PTPRN2: variants seen among roughly 807,000 people sequenced by gnomAD.
PTPRN2 encodes the protein receptor-type tyrosine-protein phosphatase N2.
PTPRN2 carries 74 observed loss-of-function variants against 118.8 expected under a neutral mutation model. The ratio of observed to expected loss-of-function variants is 0.62; its 90% confidence interval spans 0.52 to 0.76. The LOEUF (loss-of-function observed/expected upper bound fraction) is 0.76. PTPRN2 is among the 30% of genes least tolerant of loss of function. The pLI is 0.00. For synonymous variants in PTPRN2, 641 were observed against 608.0 expected (o/e 1.05, Z -0.80); for missense variants, 1,481 against 1,394.4 (o/e 1.06, Z -0.99).
intron 2 of PTPRN2, among the ~76,000 whole-genome samples, chr7:158,319,685 TCTCTCA>T (rs1563132457): frequency 0.019 from 58 of 3,002 alleles, 21 homozygotes; most frequent in African/African-American, 0.13. Context: ...ACACACAGCC[TCTCTCA>T]CACAGCCTCC....
In PTPRN2 at chr7:157,799,804, C is replaced by G. The variant is rs116512525; in HGVS notation, c.1788+98869G>C. On this transcript the variant is annotated intron_variant, in intron 12 of 22. Transcript: ENST00000389418. The stretch of plus-strand genomic sequence containing the variant: ...CAGAGTCACCACAATCGGCCTACCC[C>G]GTCCCTCAGAGGCACCACAGCCGGC... Among the ~76,000 whole-genome samples the G allele has an allele frequency of 9.0e-3, 1,111 of 122,894 alleles. 36 individuals carry two copies. Among genetic ancestry groups the G allele is most frequent in the African/African-American group, 0.036 (1,060 of 29,762 alleles). 80.6% of individuals were successfully genotyped at this position (122,894 alleles called of 152,430 possible). A position where few individuals can be genotyped will look rare whatever the true frequency, so the allele number is the denominator to read the frequency against.
At position 158,332,447 on chromosome 7, in the gene PTPRN2, C is replaced by A. The variant is rs1307840814; in HGVS notation, c.164-15515G>T. On this transcript the variant is annotated intron_variant, in intron 2 of 22. Transcript: ENST00000389418. ...TGACACCTGCAGACGTCACTCACAC[C>A]CACACTCTCACCATAAGAGGTGACA... Among the ~76,000 whole-genome samples, 4 of 150,306 alleles carry A rather than the reference C, an allele frequency of 2.7e-5. No homozygotes were observed. The East Asian group carries it at 7.8e-4, about 29-fold the overall frequency.
chr7:158,018,977 A>C (rs973021660), intron 11 of PTPRN2, among the ~76,000 whole-genome samples: 11 of 150,040 alleles, frequency 7.3e-5, no homozygotes, highest in African/African-American at 2.2e-4. Flanking sequence ...AAAAAAAAAA[A>C]AAAAAAAAAA....
chr7:158,081,260 G>A (rs1046862503), intron 11 of PTPRN2, 38 bp downstream of exon 11: 33 of 1,501,986 alleles, frequency 2.2e-5, no homozygotes, highest in East Asian at 1.6e-4. Flanking sequence ...GTGCACACAC[G>A]TGTGTGTGCG....
At chr7:158,110,571 C>T (rs892050634) in intron 10 of PTPRN2, among the ~76,000 whole-genome samples, 4 of 152,164 alleles carry the variant, frequency 2.6e-5, no homozygotes, top group African/African-American at 9.7e-5. Context: ...CTAGAGCCTT[C>T]GGTGGTTACA....
chr7:158,391,614 C>T (rs920730571), intron 2 of PTPRN2, among the ~76,000 whole-genome samples: 7 of 152,192 alleles, frequency 4.6e-5, no homozygotes, highest in Non-Finnish European at 8.8e-5. Context: ...CACCAGCACC[C>T]ATGCTGCACA....
chr7:157,810,045 G>C (rs1035146274), intron 12 of PTPRN2, among the ~76,000 whole-genome samples: 1 of 152,214 alleles, frequency 6.6e-6, no homozygotes, highest in Non-Finnish European at 1.5e-5. Flanking sequence ...TCCAACTCAC[G>C]AGGGCTCGGC....
In PTPRN2 at chr7:157,587,187, GAGACA is replaced by G. The variant is rs1383725209; in HGVS notation, c.2496+8046_2496+8050del. Among the ~76,000 whole-genome samples the G allele has an allele frequency of 6.9e-6, 1 of 144,540 alleles. No individual in the cohort carries two copies. The highest frequency in any genetic ancestry group is 1.5e-5 in the Non-Finnish European group (1 of 65,306). The allele number at this position is 144,540 out of a possible 152,430, so 94.8% of individuals were successfully genotyped here. On this transcript the variant is annotated intron_variant, in intron 17 of 22. Transcript: ENST00000389418. The surrounding 1 kb of genome is among the most constrained non-coding windows in gnomAD (Gnocchi z 5.3). ...GGCAGACAGACAAGACAGGCAGATA[GAGACA>G]AGACAGGCAGGCAGACAGAGACAAG... is the stretch of plus-strand genomic sequence containing the variant.
At chr7:158,278,245 C>T (rs1799165007) in intron 3 of PTPRN2, among the ~76,000 whole-genome samples, 2 of 152,126 alleles carry the variant, frequency 1.3e-5, no homozygotes, top group South Asian at 4.1e-4. Context: ...CAGGGACCAC[C>T]CACCACCTGC....
At chr7:158,171,588 T>C (rs1487380799) in intron 5 of PTPRN2, among the ~76,000 whole-genome samples, 1 of 151,964 alleles carries the variant, frequency 6.6e-6, no homozygotes, top group Non-Finnish European at 1.5e-5. Context: ...TGACCTCAAG[T>C]GATCTGCCCG....
At chr7:158,052,151 TAGAC>T (rs1809372784) in intron 11 of PTPRN2, among the ~76,000 whole-genome samples, 1 of 152,240 alleles carries the variant, frequency 6.6e-6, no homozygotes, top group Admixed American at 6.5e-5. Context: ...TATATTATCT[TAGAC>T]AGCAGGATTA....
At chr7:158,443,935 C>G (rs185899618) in intron 2 of PTPRN2, among the ~76,000 whole-genome samples, 2 of 152,288 alleles carry the variant, frequency 1.3e-5, no homozygotes, top group African/African-American at 2.4e-5. Context: ...TGTCTGGGCT[C>G]ACACCCATCT....
chr7:157,565,292 G>A (rs1238200770), intron 21 of PTPRN2, among the ~76,000 whole-genome samples: 6 of 152,236 alleles, frequency 3.9e-5, no homozygotes, highest in Non-Finnish European at 8.8e-5. Context: ...CTAGCCAGCT[G>A]AAGTTTAAAA....
At chr7:158,241,957 A>C (rs1017683239) in intron 3 of PTPRN2, among the ~76,000 whole-genome samples, 6 of 152,230 alleles carry the variant, frequency 3.9e-5, no homozygotes, top group Admixed American at 1.3e-4. Context: ...TAGACAGCAC[A>C]GTCGCAAACC....
At chr7:158,351,333 C>T (rs906558826) in intron 2 of PTPRN2, among the ~76,000 whole-genome samples, 3 of 152,144 alleles carry the variant, frequency 2.0e-5, no homozygotes, top group Non-Finnish European at 2.9e-5. Context: ...GAGCCACCCT[C>T]AGTTGGGCCC....
At chr7:158,194,601 C>A (rs1169018106) in intron 4 of PTPRN2, among the ~76,000 whole-genome samples, 1 of 152,234 alleles carries the variant, frequency 6.6e-6, no homozygotes, top group Non-Finnish European at 1.5e-5. Context: ...TCCCTCATAA[C>A]AGGCTTTACA....
intron 12 of PTPRN2, among the ~76,000 whole-genome samples, chr7:157,695,022 T>C (rs778805841): frequency 1.2e-4 from 18 of 152,140 alleles, no homozygotes; most frequent in Non-Finnish European, 2.6e-4. Context: ...ACAATATAAA[T>C]AGTTTAAAAA....
intron 12 of PTPRN2, among the ~76,000 whole-genome samples, chr7:157,767,709 T>C (rs1023104859): frequency 6.6e-6 from 1 of 152,226 alleles, no homozygotes; most frequent in Non-Finnish European, 1.5e-5. Context: ...GAACTGTCTA[T>C]ACTCCTGCTC....
At chr7:158,074,306 A>G (rs995644484) in intron 11 of PTPRN2, among the ~76,000 whole-genome samples, 1 of 152,054 alleles carries the variant, frequency 6.6e-6, no homozygotes, top group African/African-American at 2.4e-5. Flanking sequence ...CCGTGGAGAG[A>G]ACAGCTGAGA....
Sources: allele counts gnomAD v4.1 joint callset (sites outside exome capture counted in the v4.1 genomes callset), GRCh38; gene constraint gnomAD v4.1.1; non-coding constraint Gnocchi (gnomAD v3.1); transcripts MANE v1.5; gene names NCBI Gene and HGNC (gene_info 2026-07-23, HGNC 2026-07-21).